The following EGF variants were observed in gnomAD, a reference collection of about 807,000 sequenced individuals.
EGF encodes the protein epidermal growth factor.
In EGF, 95 loss-of-function variants were observed where a neutral mutation model predicts 143.8. The observed-to-expected ratio is 0.66, with a 90% confidence interval of 0.56 to 0.78. The LOEUF (loss-of-function observed/expected upper bound fraction) is 0.78. Among genes scored for constraint, EGF ranks in the 30% least tolerant of loss-of-function variants. EGF has a pLI of 0.00. For missense variants in EGF, 1,320 were observed against 1,470.9 expected, an observed-to-expected ratio of 0.90 and a Z score of 1.68; for synonymous variants, 510 against 510.5, an observed-to-expected ratio of 1.00 and a Z score of 0.01.
At chr4:109,979,756 TC>T (rs1179634080) in intron 13 of EGF, among the ~76,000 whole-genome samples, 2 of 152,176 alleles carry the variant, frequency 1.3e-5, no homozygotes, top group Non-Finnish European at 2.9e-5. Context: ...TGCTGGGACC[TC>T]ATGCCACTAT....
chr4:109,970,824 CAAA>C (rs371512157), intron 11 of EGF, among the ~76,000 whole-genome samples: 3 of 72,946 alleles, frequency 4.1e-5, no homozygotes, highest in African/African-American at 1.1e-4. Context: ...GACTCCGTCT[CAAA>C]AAAAAAAAAA....
At chr4:109,955,633 C>T (rs1268721963) in intron 5 of EGF, among the ~76,000 whole-genome samples, 2 of 152,180 alleles carry the variant, frequency 1.3e-5, no homozygotes, top group African/African-American at 4.8e-5. Flanking sequence ...GGAAAAAGTA[C>T]TGGCTAGCAT....
chr4:110,004,553 G>A lies in EGF; in HGVS notation c.3222G>A (p.Ser1074=), dbSNP rs775149703. 4.0e-5 allele frequency: 64 copies of A among 1,613,908 alleles called. No homozygotes were observed. Among genetic ancestry groups the A allele is most frequent in the Non-Finnish European group, 4.4e-5 (52 of 1,179,950 alleles). The change falls in exon 22 of 24, where the codon TCG becomes TCA. Residue 1074 remains serine, a synonymous_variant. Coordinates refer to ENST00000265171, the MANE Select transcript of EGF (RefSeq NM_001963.6). ...ACCCAAAGAATCCTTATGAGGAGTC[G>A]AGCAGAGATGTGAGGAGTCGCAGGC... ...SKNPKNPYEE[S]SRDVRSRRPA...
intron 1 of EGF, among the ~76,000 whole-genome samples, chr4:109,931,485 T>TACTAGATTGCGAGTGC (rs528505356): frequency 6.6e-6 from 1 of 152,178 alleles, no homozygotes; most frequent in Non-Finnish European, 1.5e-5. Flanking sequence ...GTTGGAAGTG[T>TACTAGATTGCGAGTGC]ACTAGATTGC....
intron 7 of EGF, 105 bp from the exon 8 acceptor site, chr4:109,961,758 G>A: frequency 6.8e-7 from 1 of 1,464,618 alleles, no homozygotes; most frequent in African/African-American, 1.4e-5. Context: ...CAACACTTTG[G>A]GAGGTCAAGG....
At chr4:109,942,507 C>T (rs542414025) in intron 2 of EGF, among the ~76,000 whole-genome samples, 2 of 152,190 alleles carry the variant, frequency 1.3e-5, no homozygotes, top group Admixed American at 6.5e-5. Context: ...ACCTGGGTAG[C>T]TGGACGTCTG....
At position 109,960,925 on chromosome 4, in the gene EGF, T is replaced by C; in HGVS notation, c.1125T>C (p.Pro375=). Residue 375 remains proline, a synonymous_variant, in exon 7 of 24, where the codon CCT becomes CCC. Coordinates refer to ENST00000265171, the MANE Select transcript of EGF (RefSeq NM_001963.6). ...HGCTLGCKNT[P]GSYYCTCPVG... is the part of the protein sequence containing the mutation. Reference sequence around the variant, plus strand: ...GTACTCTTGGGTGTAAAAACACCCCTGGATCCTATTACTGCACGTGCCCTG... The same window carrying C: ...GTACTCTTGGGTGTAAAAACACCCCCGGATCCTATTACTGCACGTGCCCTG... 8 of 1,613,938 alleles carry C rather than the reference T, an allele frequency of 5.0e-6. No individual in the cohort carries two copies. The highest frequency in any genetic ancestry group is 5.9e-6 in the Non-Finnish European group (7 of 1,179,878).
intron 8 of EGF, 113 bp downstream of exon 8, chr4:109,962,098 A>G: frequency 6.6e-7 from 1 of 1,514,698 alleles, no homozygotes; most frequent in Admixed American, 1.7e-5. Context: ...AATATTGTAT[A>G]CTGAAAGATA....
chr4:109,913,572 G>A, intron 1 of EGF, 110 bp downstream of exon 1: 1 of 1,495,546 alleles, frequency 6.7e-7, no homozygotes, highest in Non-Finnish European at 9.1e-7. Flanking sequence ...CTTTGGGTAT[G>A]TATAGTTGCT....
intron 12 of EGF, among the ~76,000 whole-genome samples, chr4:109,975,611 T>G (rs1290757626): frequency 6.6e-6 from 1 of 152,226 alleles, no homozygotes; most frequent in Non-Finnish European, 1.5e-5. Flanking sequence ...GTTTTACAAA[T>G]GCAGTGAATT....
chr4:109,993,244 CAG>C lies in EGF; in HGVS notation c.2735-1_2735del, dbSNP rs747824004. On this transcript the variant is annotated splice_acceptor_variant, in intron 18 of 23. Transcript: ENST00000265171. LOFTEE classifies it high-confidence loss of function. ...CTCTCCCGTACTCTGTCTTTTCTGACAGATATTGATGAGTGCCAACTGGGGGA... is the reference window on the plus strand; with the variant it reads ...CTCTCCCGTACTCTGTCTTTTCTGACATATTGATGAGTGCCAACTGGGGGA... 6.2e-7 allele frequency: 1 copy of C among 1,613,636 alleles called. No individual in the cohort carries two copies. The highest frequency in any genetic ancestry group is 2.2e-5 in the East Asian group (1 of 44,862).
chr4:109,974,074 C>T (rs542283360), intron 11 of EGF, among the ~76,000 whole-genome samples: 1 of 152,098 alleles, frequency 6.6e-6, no homozygotes, highest in Admixed American at 6.5e-5. Context: ...ATAGCATTTA[C>T]ATTACATGAG....
At chr4:110,002,438 AGCCGTGATTGCACCACT>A (rs991834863) in intron 21 of EGF, among the ~76,000 whole-genome samples, 1 of 152,194 alleles carries the variant, frequency 6.6e-6, no homozygotes, top group African/African-American at 2.4e-5. Context: ...GATTACAGTA[AGCCGTGATTGCACCACT>A]GCTCTCCAGC....
intron 5 of EGF, among the ~76,000 whole-genome samples, chr4:109,956,655 T>C (rs974525111): frequency 6.6e-6 from 1 of 152,186 alleles, no homozygotes; most frequent in African/African-American, 2.4e-5. Context: ...AGAAAAATAA[T>C]GTAACTATAC....
At chr4:109,941,254 T>C in intron 2 of EGF, 109 bp downstream of exon 2, 1 of 983,828 alleles carries the variant, frequency 1.0e-6, no homozygotes. Context: ...ACAGTTCAAA[T>C]GCGTGTCTGC....
intron 23 of EGF, 128 bp from the exon 24 acceptor site, chr4:110,011,074 A>G: frequency 9.5e-7 from 1 of 1,052,924 alleles, no homozygotes; most frequent in East Asian, 2.6e-5. Context: ...TGTCTAGAGT[A>G]GTTTGAAAAT....
At chr4:109,968,929 GT>G (rs1357542272) in intron 10 of EGF, 41 bp from the exon 11 acceptor site, 3 of 1,612,738 alleles carry the variant, frequency 1.9e-6, no homozygotes, top group East Asian at 2.2e-5. Context: ...TTCCACATTA[GT>G]TTTAAAAAAA....
At chr4:109,915,218 C>G (rs892698335) in intron 1 of EGF, among the ~76,000 whole-genome samples, 3 of 152,154 alleles carry the variant, frequency 2.0e-5, no homozygotes, top group African/African-American at 7.2e-5. Context: ...GTTTTAGAAA[C>G]AAACAAGCCT....
intron 18 of EGF, among the ~76,000 whole-genome samples, chr4:109,991,342 A>G (rs1750908284): frequency 6.6e-6 from 1 of 152,164 alleles, no homozygotes; most frequent in Non-Finnish European, 1.5e-5. Context: ...CATTTCAGGT[A>G]CTCAATACTC....
Sources: gnomAD v4.1 joint callset for allele counts (sites outside exome capture counted in the v4.1 genomes callset) on GRCh38, gnomAD v4.1.1 for gene constraint, MANE v1.5 for transcripts, NCBI Gene and HGNC (gene_info 2026-07-23, HGNC 2026-07-21) for gene names.